The following GDE1 variants were observed in gnomAD, a reference collection of about 807,000 sequenced individuals.
The protein encoded by GDE1 is RGS16-interacting membrane protein.
GDE1 carries 24 observed loss-of-function variants against 32.2 expected under a neutral mutation model. That is an observed-to-expected ratio of 0.75 (90% CI 0.54 to 1.05). The LOEUF (loss-of-function observed/expected upper bound fraction) is 1.05, where lower values mean the gene tolerates loss of function less well. Ranked by LOEUF, GDE1 falls within the 50% of genes least tolerant of loss-of-function variation. The pLI is 0.00. For synonymous variants in GDE1, 159 were observed against 158.6 expected (o/e 1.00, Z -0.02); for missense variants, 380 against 415.0 (o/e 0.92, Z 0.73).
At position 19,510,919 on chromosome 16, in the gene GDE1, G is replaced by A. The variant is rs868111073; in HGVS notation, c.463C>T (p.Pro155Ser). The change falls in exon 3 of 6, where the codon CCT becomes TCT. Residue 155 changes from proline (P) to serine (S), a missense_variant. By Grantham distance (74) the Pro-to-Ser change is moderately conservative. Transcript: ENST00000353258. The part of the protein sequence containing the change: ...LRNDFPDEKI[P>S]TLREAVAECL... ...TCTGCAACAGCTTCCCTTAGGGTAGGGATCTTTTCATCAGGGAAATCATTC... is the reference window on the plus strand; with the variant it reads ...TCTGCAACAGCTTCCCTTAGGGTAGAGATCTTTTCATCAGGGAAATCATTC... 6.3e-7 allele frequency: 1 copy of A among 1,590,416 alleles called. No individual in the cohort carries two copies. The highest frequency in any genetic ancestry group is 8.6e-7 in the Non-Finnish European group (1 of 1,162,222).
chr16:19,512,055 C>G (rs1969324940), intron 2 of GDE1, among the ~76,000 whole-genome samples: 1 of 152,064 alleles, frequency 6.6e-6, no homozygotes. Flanking sequence ...CTTTGATACA[C>G]TAGTTTCCTT....
chr16:19,516,938 G>A, intron 2 of GDE1, 76 bp downstream of exon 2: 4 of 1,267,712 alleles, frequency 3.2e-6, no homozygotes, highest in South Asian at 1.3e-5. Context: ...TGGGGCAGAT[G>A]TAATTAGAAG....
intron 2 of GDE1, among the ~76,000 whole-genome samples, chr16:19,512,525 T>C (rs1567337739): frequency 6.6e-6 from 1 of 152,162 alleles, no homozygotes; most frequent in Non-Finnish European, 1.5e-5. Flanking sequence ...CTTTTTACTC[T>C]GTTGATTATT....
Position 19,504,836 on chromosome 16 carries a change from A to G in GDE1, c.848+45T>C, listed in dbSNP as rs953827172. On this transcript the variant is annotated intron_variant, in intron 5 of 5. Coordinates refer to ENST00000353258, the MANE Select transcript of GDE1 (RefSeq NM_016641.4). ...TTAATCCTTCCTTTCAAATAAGAGCATTCAGGATGTCTGTCTGGGTAAAAT... is the reference window on the plus strand; with the variant it reads ...TTAATCCTTCCTTTCAAATAAGAGCGTTCAGGATGTCTGTCTGGGTAAAAT... The G allele has an allele frequency of 1.6e-5, 19 of 1,214,376 alleles. 1 individual carries two copies. The highest frequency in any genetic ancestry group is 4.7e-5 in the East Asian group (2 of 42,918). The allele number at this position is 1,214,376 out of a possible 1,614,324, so 75.2% of individuals were successfully genotyped here.
At chr16:19,518,632 G>T (rs1306535130) in intron 1 of GDE1, among the ~76,000 whole-genome samples, 1 of 152,162 alleles carries the variant, frequency 6.6e-6, no homozygotes, top group East Asian at 1.9e-4. Context: ...TAAAGTTGGT[G>T]TATATCATTC....
chr16:19,517,593 T>C (rs1258965731), intron 1 of GDE1, among the ~76,000 whole-genome samples: 1 of 152,244 alleles, frequency 6.6e-6, no homozygotes, highest in East Asian at 1.9e-4. Context: ...TAGTCAGATA[T>C]TTCACTACTT....
At position 19,501,934 on chromosome 16, in the gene GDE1, G is replaced by A. The variant is rs1008542731; in HGVS notation, c.*1536C>T. 1 of 152,238 alleles carries A rather than the reference G, an allele frequency of 6.6e-6. No individual in the cohort carries two copies. The highest frequency in any genetic ancestry group is 2.4e-5 in the African/African-American group (1 of 41,458). The allele number at this position is 152,238 out of a possible 1,614,324, so 9.4% of individuals were successfully genotyped here. A position where few individuals can be genotyped will look rare whatever the true frequency, so the allele number is the denominator to read the frequency against. ...GCAGGGATGCAGGAGGGAAGCCATG[G>A]CTAAGCTGTGGGCCTGGACAAAGGC... On this transcript the variant is annotated 3_prime_UTR_variant, in exon 6 of 6. Coordinates refer to ENST00000353258, the MANE Select transcript of GDE1 (RefSeq NM_016641.4).
chr16:19,503,732 C>T (rs1249260642), intron 5 of GDE1, 115 bp from the exon 6 acceptor site: 1 of 834,172 alleles, frequency 1.2e-6, no homozygotes, highest in Non-Finnish European at 1.9e-6. Flanking sequence ...AGAATGCCTC[C>T]TAACTGGCCT....
intron 1 of GDE1, chr16:19,521,406 C>CT (rs2151450897): frequency 2.5e-6 from 1 of 402,796 alleles, no homozygotes; most frequent in African/African-American, 2.0e-5. Context: ...TAAGGCTTGC[C>CT]TCCCCCATTC....
chr16:19,511,524 A>G (rs965145511), intron 2 of GDE1, among the ~76,000 whole-genome samples: 2 of 152,148 alleles, frequency 1.3e-5, no homozygotes, highest in Admixed American at 1.3e-4. Flanking sequence ...GGTATTTAGG[A>G]TGTCCATCAC....
intron 1 of GDE1, among the ~76,000 whole-genome samples, chr16:19,520,714 G>A (rs1485105822): frequency 1.4e-5 from 2 of 138,782 alleles, no homozygotes; most frequent in Non-Finnish European, 3.0e-5. Flanking sequence ...AAAAGAGTGA[G>A]ACTCTGTAAA....
intron 3 of GDE1, among the ~76,000 whole-genome samples, chr16:19,508,974 T>C (rs1182916312): frequency 6.6e-6 from 1 of 152,212 alleles, no homozygotes; most frequent in African/African-American, 2.4e-5. Context: ...ATAGCTAGAT[T>C]TTCTTTTTTA....
At chr16:19,514,272 A>G (rs8057980) in intron 2 of GDE1, among the ~76,000 whole-genome samples, 55,338 of 151,962 alleles carry the variant, frequency 0.36, 11,644 homozygotes, top group East Asian at 0.56. Context: ...GAAGACATGC[A>G]TAGGGTGAGG....
Position 19,503,294 on chromosome 16 carries a change from G to A in GDE1, c.*176C>T. On this transcript the variant is annotated 3_prime_UTR_variant, in exon 6 of 6. Coordinates refer to ENST00000353258, the MANE Select transcript of GDE1 (RefSeq NM_016641.4). ...CAGTGTTGAACTCTGGCATGCCATGGTGCATGGTGGCAACACCGGGTTTAG... is the reference window on the plus strand; with the variant it reads ...CAGTGTTGAACTCTGGCATGCCATGATGCATGGTGGCAACACCGGGTTTAG... 1 of 611,462 alleles carries A rather than the reference G, an allele frequency of 1.6e-6. No homozygotes were observed. The highest frequency in any genetic ancestry group is 2.1e-5 in the South Asian group (1 of 48,240). 37.9% of individuals were successfully genotyped at this position (611,462 alleles called of 1,614,324 possible).
intron 2 of GDE1, among the ~76,000 whole-genome samples, chr16:19,513,909 G>T (rs544484504): frequency 2.6e-5 from 4 of 152,180 alleles, no homozygotes; most frequent in Non-Finnish European, 5.9e-5. Context: ...AAGACAACTG[G>T]ACCACATGGT....
intron 1 of GDE1, among the ~76,000 whole-genome samples, chr16:19,519,968 C>G (rs1969428729): frequency 6.6e-6 from 1 of 152,074 alleles, no homozygotes; most frequent in Admixed American, 6.6e-5. Context: ...GTTGAGATCG[C>G]CCCACTGCAC....
chr16:19,516,582 G>A (rs1275465796), intron 2 of GDE1, among the ~76,000 whole-genome samples: 1 of 152,084 alleles, frequency 6.6e-6, no homozygotes, highest in Non-Finnish European at 1.5e-5. Flanking sequence ...ATGATTTCTA[G>A]GATACTCTCT....
At chr16:19,508,915 C>T (rs1969282591) in intron 3 of GDE1, among the ~76,000 whole-genome samples, 1 of 152,216 alleles carries the variant, frequency 6.6e-6, no homozygotes, top group African/African-American at 2.4e-5. Flanking sequence ...TCACTATGTT[C>T]TACCCAGTCT....
Position 19,518,277 on chromosome 16 carries a change from AT to A in GDE1, c.262-1089del, listed in dbSNP as rs368507115. On this transcript the variant is annotated intron_variant, in intron 1 of 5. Coordinates refer to ENST00000353258, the MANE Select transcript of GDE1 (RefSeq NM_016641.4). ...TAAAAAAGATTTAACATATGTGAAT[AT>A]TTTGACCTAATTTCCTCAGTCTCTT... is the stretch of plus-strand genomic sequence containing the variant. Among the ~76,000 whole-genome samples the A allele has an allele frequency of 2.6e-3, 392 of 152,334 alleles. 2 individuals carry two copies. The highest frequency in any genetic ancestry group is 8.9e-3 in the African/African-American group (370 of 41,570).
Sources: allele counts gnomAD v4.1 joint callset (sites outside exome capture counted in the v4.1 genomes callset), GRCh38; gene constraint gnomAD v4.1.1; transcripts MANE v1.5; gene names NCBI Gene and HGNC (gene_info 2026-07-23, HGNC 2026-07-21).